BRINP1: variants seen among roughly 807,000 people sequenced by gnomAD.
BRINP1 encodes BMP/retinoic acid-inducible neural-specific protein 1.
A neutral mutation model predicts 72.9 loss-of-function variants in BRINP1; 17 were observed. The ratio of observed to expected loss-of-function variants is 0.23; its 90% CI spans 0.16 to 0.35. The LOEUF (loss-of-function observed/expected upper bound fraction) is 0.35. Ranked by LOEUF, BRINP1 falls within the 10% of genes least tolerant of loss-of-function variation. The pLI is 1.00. For synonymous variants in BRINP1, 418 were observed against 378.5 expected, an observed-to-expected ratio of 1.10 and a Z score of -1.21; for missense variants, 850 against 1,001.6, an observed-to-expected ratio of 0.85 and a Z score of 2.04.
intron 2 of BRINP1, among the ~76,000 whole-genome samples, chr9:119,261,367 CAT>C (rs528891139): frequency 1.8e-4 from 27 of 152,268 alleles, no homozygotes; most frequent in Non-Finnish European, 3.4e-4. Context: ...GCCACAGACA[CAT>C]GTTAGTCCCA....
At chr9:119,303,291 GACACACAC>G (rs35386714) in intron 2 of BRINP1, among the ~76,000 whole-genome samples, 3 of 117,388 alleles carry the variant, frequency 2.6e-5, no homozygotes, top group African/African-American at 6.6e-5. Flanking sequence ...CACACACACA[GACACACAC>G]ACACACACAC....
rs1337745281 is a variant in BRINP1, at chr9:119,167,886, A to G, written c.1484T>C (p.Met495Thr). ...DLELKYLLQK[M>T]DSRLYVHTTF... ...GGTGTGGACGTAGAGGCGTGAGTCC[A>G]TCTTCTGCAGCAGGTACTTCAGCTC... is the stretch of plus-strand genomic sequence containing the variant. The change falls in exon 8 of 8, where the codon ATG becomes ACG. Residue 495 changes from methionine to threonine, a missense_variant. Coordinates refer to ENST00000265922, the MANE Select transcript of BRINP1 (RefSeq NM_014618.3). This position sits in a 1 kb window ranked among gnomAD's most constrained non-coding sequence, Gnocchi z 4.3. 1 of 1,614,178 alleles carries G rather than the reference A, an allele frequency of 6.2e-7. No homozygotes were observed. The highest frequency in any genetic ancestry group is 1.7e-5 in the Admixed American group (1 of 60,028).
rs538065398 is a variant in BRINP1, at chr9:119,216,616, A to G, written c.686-2461T>C. 1.2e-4 allele frequency among the ~76,000 whole-genome samples: 19 copies of G among 152,210 alleles called. No homozygotes were observed. The South Asian group carries it at 3.7e-3, about 30-fold the overall frequency. The stretch of plus-strand genomic sequence containing the variant: ...CCAAATTTATTTTTAGCTGATCCCA[A>G]TCCCCCATAGGCAACTGGGTGTATG... On this transcript the variant is annotated intron_variant, in intron 5 of 7. Coordinates refer to ENST00000265922, the MANE Select transcript of BRINP1 (RefSeq NM_014618.3).
intron 1 of BRINP1, among the ~76,000 whole-genome samples, chr9:119,352,417 G>C (rs754142095): frequency 6.6e-6 from 1 of 152,046 alleles, no homozygotes; most frequent in Non-Finnish European, 1.5e-5. Context: ...ATGATTCTAT[G>C]ATTTCTAAGA....
intron 2 of BRINP1, among the ~76,000 whole-genome samples, chr9:119,309,492 G>A (rs1198631055): frequency 6.6e-6 from 1 of 152,160 alleles, no homozygotes; most frequent in African/African-American, 2.4e-5. Context: ...TCAGAGTGTG[G>A]CTATGAGGAG....
At position 119,274,429 on chromosome 9, in the gene BRINP1, C is replaced by T. The variant is rs145718275; in HGVS notation, c.219-25279G>A. ...TGATTCCTCTAGGGTGACTAACAAA[C>T]GGATTTGGTTGAGATTACAGAGAAC... On this transcript the variant is annotated intron_variant, in intron 2 of 7. Coordinates refer to ENST00000265922, the MANE Select transcript of BRINP1 (RefSeq NM_014618.3). 2.8e-3 allele frequency among the ~76,000 whole-genome samples: 419 copies of T among 152,228 alleles called. 1 individual carries two copies. Among genetic ancestry groups the T allele is most frequent in the South Asian group, 3.9e-3 (19 of 4,824 alleles).
Position 119,167,478 on chromosome 9 carries a change from T to C in BRINP1, c.1892A>G (p.Asn631Ser), listed in dbSNP as rs1829330042. ...SRTRLPTLLR[N>S]ETGQGPVDLS... ...GTCCACGGGGCCCTGGCCAGTCTCA[T>C]TTCGCAGTAGGGTAGGTAGCCGAGT... Residue 631 changes from asparagine (N) to serine (S), a missense_variant, in exon 8 of 8, where the codon AAT becomes AGT. Asn to Ser is a conservative substitution (Grantham distance 46). Coordinates refer to ENST00000265922, the MANE Select transcript of BRINP1 (RefSeq NM_014618.3). This position sits in a 1 kb window ranked among gnomAD's most constrained non-coding sequence, Gnocchi z 4.3. 1 of 1,614,022 alleles carries C rather than the reference T, an allele frequency of 6.2e-7. No homozygotes were observed.
chr9:119,359,107 A>G (rs980203858), intron 1 of BRINP1, among the ~76,000 whole-genome samples: 2 of 152,232 alleles, frequency 1.3e-5, no homozygotes, highest in African/African-American at 4.8e-5. Context: ...TAATGTTTAT[A>G]TAGTGTTGAT....
chr9:119,318,858 T>G (rs1039217116), intron 1 of BRINP1, among the ~76,000 whole-genome samples: 1 of 151,328 alleles, frequency 6.6e-6, no homozygotes, highest in African/African-American at 2.4e-5. Context: ...TGTGTGTGTG[T>G]GTGTGTGTGT....
At chr9:119,192,268 A>G (rs1829690876) in intron 7 of BRINP1, among the ~76,000 whole-genome samples, 1 of 151,978 alleles carries the variant, frequency 6.6e-6, no homozygotes, top group Admixed American at 6.6e-5. Flanking sequence ...GTAAACTAAA[A>G]AGCTTCTTCA....
chr9:119,258,410 A>G, intron 2 of BRINP1, among the ~76,000 whole-genome samples: 1 of 152,236 alleles, frequency 6.6e-6, no homozygotes. Flanking sequence ...GGGGGCCATA[A>G]TGGTGGCTAT....
chr9:119,190,757 C>G (rs1214997512), intron 7 of BRINP1, among the ~76,000 whole-genome samples: 1 of 151,862 alleles, frequency 6.6e-6, no homozygotes, highest in Non-Finnish European at 1.5e-5. Context: ...TTCTTAAATT[C>G]TTCCAAAAAA....
At chr9:119,247,615 A>G (rs908065600) in intron 3 of BRINP1, among the ~76,000 whole-genome samples, 1 of 137,402 alleles carries the variant, frequency 7.3e-6, no homozygotes, top group African/African-American at 2.7e-5. Context: ...AGATCGCGCC[A>G]CTACTGCACT....
intron 7 of BRINP1, among the ~76,000 whole-genome samples, chr9:119,195,221 C>A (rs1051648866): frequency 6.6e-6 from 1 of 152,158 alleles, no homozygotes; most frequent in African/African-American, 2.4e-5. Flanking sequence ...CACCCCCCTA[C>A]CACTTGTATC....
intron 5 of BRINP1, among the ~76,000 whole-genome samples, chr9:119,227,845 A>G (rs899947525): frequency 6.6e-6 from 1 of 152,022 alleles, no homozygotes; most frequent in Non-Finnish European, 1.5e-5. Context: ...TTGAGCCTCA[A>G]TTTCTTCATC....
intron 2 of BRINP1, among the ~76,000 whole-genome samples, chr9:119,273,096 A>G (rs60964213): frequency 0.025 from 3,851 of 152,298 alleles, 161 homozygotes; most frequent in African/African-American, 0.087. Context: ...CAGGAATAAG[A>G]AACCAATAGC....
chr9:119,313,050 G>T (rs1229057360), intron 2 of BRINP1, 88 bp downstream of exon 2: 2 of 1,443,986 alleles, frequency 1.4e-6, no homozygotes, highest in African/African-American at 2.8e-5. Context: ...AGACACTTCT[G>T]CACACAGCAA....
rs748499232 is a variant in BRINP1, at chr9:119,313,331, G to A, written c.25C>T (p.Leu9Phe). 15 of 1,613,932 alleles carry A rather than the reference G, an allele frequency of 9.3e-6. No individual in the cohort carries two copies. The highest frequency in any genetic ancestry group is 1.0e-5 in the Non-Finnish European group (12 of 1,180,004). ...CGGCCCCATATAAACAGGAAGTAGA[G>A]GAGCTCAACAAACCTCCAGTTCATG... The part of the protein sequence containing the change: MNWRFVEL[L>F]YFLFIWGRIS... The change falls in exon 2 of 8, where the codon CTC becomes TTC. Residue 9 changes from leucine to phenylalanine, a missense_variant. Physicochemically the swap from Leu to Phe is conservative, Grantham distance 22 (BLOSUM62 0). Coordinates refer to ENST00000265922, the MANE Select transcript of BRINP1 (RefSeq NM_014618.3).
intron 2 of BRINP1, among the ~76,000 whole-genome samples, chr9:119,272,673 C>A (rs1830619742): frequency 6.6e-6 from 1 of 152,138 alleles, no homozygotes; most frequent in African/African-American, 2.4e-5. Flanking sequence ...TACTTCCAGG[C>A]ATTTTATTTC....
Sources: allele counts gnomAD v4.1 joint callset (sites outside exome capture counted in the v4.1 genomes callset), GRCh38; gene constraint gnomAD v4.1.1; non-coding constraint Gnocchi (gnomAD v3.1); transcripts MANE v1.5; gene names NCBI Gene and HGNC (gene_info 2026-07-23, HGNC 2026-07-21).